The following CADM2 variants were observed in gnomAD, a reference collection of about 807,000 sequenced individuals.
CADM2 encodes the protein cell adhesion molecule 2.
Under a neutral mutation model 49.8 loss-of-function variants are expected in CADM2, and 12 were observed. That is an observed-to-expected ratio of 0.24 (90% confidence interval 0.15 to 0.39). CADM2 has a LOEUF of 0.39. Among genes scored for constraint, CADM2 ranks in the 10% least tolerant of loss-of-function variants. The pLI is 1.00. For missense variants in CADM2, 378 were observed against 492.3 expected (o/e 0.77, Z 2.20); for synonymous variants, 214 against 175.4 (o/e 1.22, Z -1.74).
chr3:85,266,611 G>A (rs1460334281), intron 1 of CADM2, among the ~76,000 whole-genome samples: 1 of 135,578 alleles, frequency 7.4e-6, no homozygotes, highest in African/African-American at 2.6e-5. Context: ...AGTCAAGACG[G>A]TAAGGTTTTA....
chr3:85,617,106 G>A (rs1483600803), intron 1 of CADM2, among the ~76,000 whole-genome samples: 2 of 152,020 alleles, frequency 1.3e-5, no homozygotes, highest in African/African-American at 2.4e-5. Flanking sequence ...GCCAGCTGGG[G>A]TCCTCTAATC....
chr3:85,814,346 T>A (rs1156673094), intron 3 of CADM2, among the ~76,000 whole-genome samples: 1 of 152,132 alleles, frequency 6.6e-6, no homozygotes, highest in Non-Finnish European at 1.5e-5. Context: ...TCTGTTTGTA[T>A]GTTATTGATG....
chr3:85,192,618 A>G (rs930237450), intron 1 of CADM2, among the ~76,000 whole-genome samples: 8 of 150,814 alleles, frequency 5.3e-5, no homozygotes, highest in African/African-American at 1.9e-4. Context: ...ATATATATAT[A>G]AAGTTTAAAA....
At chr3:86,016,006 A>G (rs1310867505) in intron 8 of CADM2, among the ~76,000 whole-genome samples, 1 of 152,206 alleles carries the variant, frequency 6.6e-6, no homozygotes, top group Non-Finnish European at 1.5e-5. Context: ...AGTTTATTTC[A>G]ATCAAAACAA....
rs141012310 is a variant in CADM2, at chr3:85,749,548, A to C, written c.88+23000A>C. On this transcript the variant is annotated intron_variant, in intron 2 of 9. Transcript: ENST00000383699. ...TTGCTCTAAATTGATACAACCCGGG[A>C]TATATCTGTATCTTGGAACATTTTG... 5.9e-3 allele frequency among the ~76,000 whole-genome samples: 894 copies of C among 151,978 alleles called. 9 individuals are homozygous for C. The highest frequency in any genetic ancestry group is 0.02 in the African/African-American group (821 of 41,534).
chr3:85,832,317 T>C (rs150753743), intron 3 of CADM2, among the ~76,000 whole-genome samples: 3 of 152,090 alleles, frequency 2.0e-5, no homozygotes, highest in Non-Finnish European at 4.4e-5. Context: ...TTTGCTACCA[T>C]ATGAAGTTCA....
Position 85,112,541 on chromosome 3 carries a change from C to T in CADM2, c.61+152873C>T, listed in dbSNP as rs772752176. Among the ~76,000 whole-genome samples the T allele has an allele frequency of 9.3e-4, 141 of 151,834 alleles. 5 individuals carry two copies. The Middle Eastern group carries it at 0.034, about 37-fold the overall frequency. On this transcript the variant is annotated intron_variant, in intron 1 of 9. Coordinates refer to ENST00000383699, the MANE Select transcript of CADM2 (RefSeq NM_001167675.2). Reference sequence around the variant, plus strand: ...AAGTCACTGCTATATGATTTCACCCCGTATAAAGTTGACCTACAATTCTTA... The same window carrying T: ...AAGTCACTGCTATATGATTTCACCCTGTATAAAGTTGACCTACAATTCTTA...
At chr3:85,440,568 C>CT (rs1185476670) in intron 1 of CADM2, among the ~76,000 whole-genome samples, 1 of 152,088 alleles carries the variant, frequency 6.6e-6, no homozygotes, top group Non-Finnish European at 1.5e-5. Flanking sequence ...GTGTGGTCAC[C>CT]TTTAAATGAC....
At chr3:85,435,841 C>T (rs1439099103) in intron 1 of CADM2, among the ~76,000 whole-genome samples, 1 of 151,814 alleles carries the variant, frequency 6.6e-6, no homozygotes. Flanking sequence ...GTTCGCTTCT[C>T]TTTTTCACCC....
At chr3:85,289,488 G>A (rs1163956804) in intron 1 of CADM2, among the ~76,000 whole-genome samples, 1 of 152,182 alleles carries the variant, frequency 6.6e-6, no homozygotes, top group Non-Finnish European at 1.5e-5. Context: ...TGATTATCTG[G>A]TTAATTTGTC....
intron 1 of CADM2, among the ~76,000 whole-genome samples, chr3:85,438,061 T>C (rs2037015208): frequency 6.6e-6 from 1 of 152,090 alleles, no homozygotes; most frequent in Non-Finnish European, 1.5e-5. Flanking sequence ...CTTTCAGTAC[T>C]TTCTCAACAA....
intron 1 of CADM2, among the ~76,000 whole-genome samples, chr3:85,349,210 C>T (rs1258778640): frequency 1.3e-5 from 2 of 152,150 alleles, no homozygotes; most frequent in African/African-American, 4.8e-5. Flanking sequence ...CACACAGCCT[C>T]TCCGCGTTTA....
intron 1 of CADM2, among the ~76,000 whole-genome samples, chr3:85,626,549 A>G (rs1302559126): frequency 6.6e-6 from 1 of 152,004 alleles, no homozygotes; most frequent in African/African-American, 2.4e-5. Flanking sequence ...TAATTTTAAT[A>G]TATTTTTATA....
At chr3:85,015,392 T>G (rs886914063) in intron 1 of CADM2, among the ~76,000 whole-genome samples, 4 of 152,164 alleles carry the variant, frequency 2.6e-5, no homozygotes, top group Non-Finnish European at 4.4e-5. Context: ...TCAGAATGAA[T>G]TTTCTTCATG....
At chr3:85,147,275 CAAAAAAAAA>C (rs759888985) in intron 1 of CADM2, among the ~76,000 whole-genome samples, 6 of 46,004 alleles carry the variant, frequency 1.3e-4, no homozygotes, top group African/African-American at 2.0e-4. Context: ...GACTCTGTCT[CAAAAAAAAA>C]AAAAAAAAAA....
chr3:85,275,234 T>G (rs535172623), intron 1 of CADM2, among the ~76,000 whole-genome samples: 1 of 151,620 alleles, frequency 6.6e-6, no homozygotes, highest in Non-Finnish European at 1.5e-5. Flanking sequence ...GTGATAATAT[T>G]ACATGCTTTT....
chr3:85,113,251 G>A, intron 1 of CADM2, among the ~76,000 whole-genome samples: 1 of 152,124 alleles, frequency 6.6e-6, no homozygotes, highest in South Asian at 2.1e-4. Context: ...AAGACGTTTG[G>A]CTCTGCTGCC....
At chr3:86,026,638 A>T (rs1733938281) in intron 8 of CADM2, among the ~76,000 whole-genome samples, 1 of 151,998 alleles carries the variant, frequency 6.6e-6, no homozygotes, top group Non-Finnish European at 1.5e-5. Flanking sequence ...CATCCTTCAA[A>T]ACCTCATGAA....
intron 1 of CADM2, among the ~76,000 whole-genome samples, chr3:85,329,689 A>G (rs2044859696): frequency 1.3e-5 from 2 of 152,182 alleles, no homozygotes; most frequent in Non-Finnish European, 1.5e-5. Context: ...GTATTTATAT[A>G]TGGTAATATG....
Sources: allele counts gnomAD v4.1 joint callset (sites outside exome capture counted in the v4.1 genomes callset), GRCh38; gene constraint gnomAD v4.1.1; transcripts MANE v1.5; gene names NCBI Gene and HGNC (gene_info 2026-07-23, HGNC 2026-07-21).